The following CHRM2 variants were observed in gnomAD, a reference collection of about 807,000 sequenced individuals.
The protein encoded by CHRM2 is cholinergic receptor muscarinic 2.
A neutral mutation model predicts 25.0 loss-of-function variants in CHRM2; 8 were observed. The observed-to-expected ratio is 0.32, with a 90% CI of 0.19 to 0.58. The LOEUF is 0.58. Ranked by LOEUF, CHRM2 falls within the 20% of genes least tolerant of loss-of-function variation. The probability of loss-of-function intolerance (pLI) is 0.88; values close to 1 mark genes in which losing one functional copy is unlikely to be tolerated. For missense variants in CHRM2, 440 were observed against 567.1 expected, an observed-to-expected ratio of 0.78 and a Z score of 2.28; for synonymous variants, 202 against 205.7, an observed-to-expected ratio of 0.98 and a Z score of 0.15.
Position 136,902,938 on chromosome 7 carries a change from T to C in CHRM2, c.-125+33520T>C, listed in dbSNP as rs527390552. 4.8e-4 allele frequency: 167 copies of C among 348,788 alleles called. 3 individuals carry two copies. Among genetic ancestry groups the C allele is most frequent in the South Asian group, 4.0e-3 (165 of 41,718 alleles). The allele number at this position is 348,788 out of a possible 1,614,324, so 21.6% of individuals were successfully genotyped here. On this transcript the variant is annotated intron_variant, in intron 2 of 3. Coordinates refer to ENST00000680005, the MANE Select transcript of CHRM2 (RefSeq NM_001006630.2). ...ATTTGCAAGTTTTTGCTTGTTTCCTTGTTCAGTTTTTCATTATCAAACAAA... is the reference window on the plus strand; with the variant it reads ...ATTTGCAAGTTTTTGCTTGTTTCCTCGTTCAGTTTTTCATTATCAAACAAA...
At chr7:136,979,379 C>T (rs986964606) in intron 2 of CHRM2, among the ~76,000 whole-genome samples, 46 of 152,276 alleles carry the variant, frequency 3.0e-4, no homozygotes, top group African/African-American at 1.1e-3. Context: ...CAAAATTTTT[C>T]TCCTATTCTG....
At chr7:136,999,497 T>G (rs1803839908) in intron 3 of CHRM2, among the ~76,000 whole-genome samples, 1 of 152,100 alleles carries the variant, frequency 6.6e-6, no homozygotes, top group East Asian at 1.9e-4. Context: ...GCTGCACCCA[T>G]TAACTCGTCA....
intron 2 of CHRM2, among the ~76,000 whole-genome samples, chr7:136,917,050 T>G (rs937038612): frequency 1.3e-5 from 2 of 152,056 alleles, no homozygotes; most frequent in African/African-American, 4.8e-5. Flanking sequence ...TGCCTTTATT[T>G]TAAAGCTTCA....
chr7:137,017,558 G>GA lies in CHRM2; in HGVS notation c.*1298dup, dbSNP rs1472280866. ...ATTATCCTATGACCCCATGAAAGGGGAAAAAACGATATTTTAAAAACTATT... is the reference window on the plus strand; with the variant it reads ...ATTATCCTATGACCCCATGAAAGGGGAAAAAAACGATATTTTAAAAACTATT... On this transcript the variant is annotated 3_prime_UTR_variant, in exon 4 of 4. Coordinates refer to ENST00000680005, the MANE Select transcript of CHRM2 (RefSeq NM_001006630.2). The GA allele has an allele frequency of 3.3e-5, 5 of 151,844 alleles. No individual in the cohort carries two copies. Among genetic ancestry groups the GA allele is most frequent in the African/African-American group, 9.7e-5 (4 of 41,372 alleles). The allele number at this position is 151,844 out of a possible 1,614,324, so 9.4% of individuals were successfully genotyped here. A position where few individuals can be genotyped will look rare whatever the true frequency, so the allele number is the denominator to read the frequency against.
At chr7:136,984,773 C>T (rs957180149) in intron 2 of CHRM2, among the ~76,000 whole-genome samples, 1 of 151,942 alleles carries the variant, frequency 6.6e-6, no homozygotes, top group Non-Finnish European at 1.5e-5. Context: ...CCATGGGCTG[C>T]ATCCACTGTC....
intron 2 of CHRM2, among the ~76,000 whole-genome samples, chr7:136,906,332 GT>G (rs1056086508): frequency 3.6e-4 from 54 of 150,496 alleles, no homozygotes; most frequent in African/African-American, 1.0e-3. Context: ...CATATACATG[GT>G]TTGTATATAT....
At chr7:136,994,429 T>C (rs1803436929) in intron 3 of CHRM2, among the ~76,000 whole-genome samples, 3 of 151,882 alleles carry the variant, frequency 2.0e-5, no homozygotes, top group African/African-American at 4.8e-5. Context: ...CCACACTACA[T>C]AAGCCACATC....
intron 2 of CHRM2, among the ~76,000 whole-genome samples, chr7:136,887,429 G>T (rs2130540375): frequency 6.6e-6 from 1 of 152,148 alleles, no homozygotes; most frequent in East Asian, 1.9e-4. Context: ...CAGCTTGAAT[G>T]AGAATCCAGA....
intron 2 of CHRM2, among the ~76,000 whole-genome samples, chr7:136,897,290 A>G (rs1796956091): frequency 6.6e-6 from 1 of 152,104 alleles, no homozygotes; most frequent in Non-Finnish European, 1.5e-5. Flanking sequence ...GAATCAGGGT[A>G]AGCTATTGGA....
intron 2 of CHRM2, among the ~76,000 whole-genome samples, chr7:136,948,103 T>C (rs1439859209): frequency 6.6e-6 from 1 of 152,148 alleles, no homozygotes; most frequent in Admixed American, 6.5e-5. Context: ...GTATCTACAA[T>C]GCTTCTGTTC....
chr7:136,916,256 A>G (rs1332756514), intron 2 of CHRM2, among the ~76,000 whole-genome samples: 1 of 151,940 alleles, frequency 6.6e-6, no homozygotes, highest in Non-Finnish European at 1.5e-5. Flanking sequence ...CTAAAATCAA[A>G]TCTTGTCTTA....
At chr7:136,998,090 T>C (rs1023581348) in intron 3 of CHRM2, among the ~76,000 whole-genome samples, 3 of 152,232 alleles carry the variant, frequency 2.0e-5, no homozygotes, top group Non-Finnish European at 4.4e-5. Context: ...TATGATCTCT[T>C]GCTCCAATGC....
chr7:136,978,126 T>G (rs557730185), intron 2 of CHRM2, among the ~76,000 whole-genome samples: 2 of 152,246 alleles, frequency 1.3e-5, no homozygotes, highest in Non-Finnish European at 2.9e-5. Flanking sequence ...ATAGGGTCAC[T>G]ACTTGGGTGA....
chr7:136,930,590 T>C (rs557742633), intron 2 of CHRM2, among the ~76,000 whole-genome samples: 10 of 20,156 alleles, frequency 5.0e-4, no homozygotes, highest in African/African-American at 1.8e-3. Context: ...GCTTATACGA[T>C]AGGAAAAAAA....
intron 3 of CHRM2, among the ~76,000 whole-genome samples, chr7:137,002,457 A>G (rs1804114489): frequency 6.6e-6 from 1 of 152,204 alleles, no homozygotes; most frequent in Admixed American, 6.6e-5. Flanking sequence ...TCTCCAAAAT[A>G]AACTGCTTTC....
intron 2 of CHRM2, among the ~76,000 whole-genome samples, chr7:136,900,971 A>T (rs543943137): frequency 1.3e-5 from 2 of 152,234 alleles, no homozygotes; most frequent in South Asian, 4.1e-4. Flanking sequence ...CAATCAAGGC[A>T]TGGATATATT....
At chr7:136,888,383 C>T (rs1796553545) in intron 2 of CHRM2, among the ~76,000 whole-genome samples, 1 of 152,290 alleles carries the variant, frequency 6.6e-6, no homozygotes, top group Admixed American at 6.5e-5. Context: ...CTGATTTAAT[C>T]CTTGCTTCAG....
intron 2 of CHRM2, among the ~76,000 whole-genome samples, chr7:136,965,232 A>C (rs1801337336): frequency 6.6e-6 from 1 of 152,118 alleles, no homozygotes; most frequent in African/African-American, 2.4e-5. Flanking sequence ...GAAACAACAT[A>C]TATTAATGGT....
intron 2 of CHRM2, among the ~76,000 whole-genome samples, chr7:136,956,878 G>A (rs1021727090): frequency 7.2e-5 from 11 of 151,918 alleles, no homozygotes; most frequent in African/African-American, 2.4e-4. Flanking sequence ...CAGAGGAAGT[G>A]TAATGCAATA....
Sources: gnomAD v4.1 joint callset for allele counts (sites outside exome capture counted in the v4.1 genomes callset) on GRCh38, gnomAD v4.1.1 for gene constraint, MANE v1.5 for transcripts, NCBI Gene and HGNC (gene_info 2026-07-23, HGNC 2026-07-21) for gene names.